Variants in NOX4 observed in about 807,000 individuals in gnomAD.
NOX4 encodes kidney oxidase-1.
A neutral mutation model predicts 87.6 loss-of-function variants in NOX4; 69 were observed. That is an observed-to-expected ratio of 0.79 (90% CI 0.65 to 0.96). The LOEUF (loss-of-function observed/expected upper bound fraction) is 0.96, where lower values mean the gene tolerates loss of function less well. NOX4 is among the 40% of genes least tolerant of loss of function. The pLI, the probability that NOX4 is intolerant of heterozygous loss-of-function variation, is 0.00. For missense variants in NOX4, 680 were observed against 681.5 expected (o/e 1.00, Z 0.02); for synonymous variants, 275 against 238.2 (o/e 1.15, Z -1.42).
At chr11:89,512,736 T>C in the NOX4 span, among the ~76,000 whole-genome samples, 1 of 152,250 alleles carries the variant, frequency 6.6e-6, no homozygotes, top group Admixed American at 6.5e-5. Flanking sequence ...ATCTTAATCT[T>C]AGGTTAAACA....
At chr11:89,362,546 A>T (rs563533051) in intron 12 of NOX4, among the ~76,000 whole-genome samples, 2 of 151,932 alleles carry the variant, frequency 1.3e-5, no homozygotes, top group Non-Finnish European at 2.9e-5. Context: ...TCTTGTTTGA[A>T]TTTTTAATCT....
chr11:89,513,221 G>C, the NOX4 span, among the ~76,000 whole-genome samples: 1 of 151,882 alleles, frequency 6.6e-6, no homozygotes, highest in Non-Finnish European at 1.5e-5. Context: ...TCAGGAAGCT[G>C]AGGCAGGAGA....
At chr11:89,474,035 T>C (rs368984323) in intron 2 of NOX4, among the ~76,000 whole-genome samples, 202 of 152,296 alleles carry the variant, frequency 1.3e-3, no homozygotes, top group South Asian at 9.3e-3. Flanking sequence ...CAGAGTTCAA[T>C]TGGCCAACAT....
intron 2 of NOX4, among the ~76,000 whole-genome samples, chr11:89,455,078 G>A (rs145115981): frequency 2.4e-4 from 36 of 152,216 alleles, no homozygotes; most frequent in Admixed American, 1.4e-3. Flanking sequence ...TATACATTAT[G>A]CTTAGTTGCC....
chr11:89,337,362 T>C (rs1945760571), intron 16 of NOX4, 85 bp downstream of exon 16: 1 of 1,587,234 alleles, frequency 6.3e-7, no homozygotes, highest in Admixed American at 1.7e-5. Flanking sequence ...TCGAACCACC[T>C]GCAGGAATTT....
the NOX4 span, among the ~76,000 whole-genome samples, chr11:89,520,618 A>G: frequency 6.6e-6 from 1 of 152,154 alleles, no homozygotes; most frequent in East Asian, 1.9e-4. Flanking sequence ...AACTGGAAGC[A>G]TTCCCCTGGA....
At chr11:89,440,631 T>C in intron 6 of NOX4, 57 bp downstream of exon 6, 1 of 1,257,974 alleles carries the variant, frequency 7.9e-7, no homozygotes, top group Non-Finnish European at 1.1e-6. Context: ...AGTCCGATAA[T>C]GCCTACTTTT....
the NOX4 span, among the ~76,000 whole-genome samples, chr11:89,539,345 T>C: frequency 1.3e-5 from 2 of 151,744 alleles, no homozygotes; most frequent in Non-Finnish European, 2.9e-5. Context: ...GGCAGGAAAA[T>C]CGCCTGAACC....
At chr11:89,341,175 T>G (rs1474296183) in intron 14 of NOX4, among the ~76,000 whole-genome samples, 1 of 136,260 alleles carries the variant, frequency 7.3e-6, no homozygotes, top group African/African-American at 2.9e-5. Flanking sequence ...GAGACTGGAG[T>G]GCAGTGGCGC....
chr11:89,553,513 T>G, the NOX4 span, among the ~76,000 whole-genome samples: 2 of 152,114 alleles, frequency 1.3e-5, no homozygotes, highest in African/African-American at 2.4e-5. Context: ...GAAAACAAAC[T>G]AATACAAAGG....
chr11:89,370,741 C>T (rs1334488319), intron 12 of NOX4, among the ~76,000 whole-genome samples: 2 of 152,122 alleles, frequency 1.3e-5, no homozygotes, highest in East Asian at 3.9e-4. Context: ...AGGTCTTCCA[C>T]GTATCTAGGA....
chr11:89,429,398 T>G (rs940009212), intron 7 of NOX4, among the ~76,000 whole-genome samples: 1 of 151,906 alleles, frequency 6.6e-6, no homozygotes, highest in Non-Finnish European at 1.5e-5. Flanking sequence ...AAAAAACCCT[T>G]CAAAAAATCA....
At chr11:89,437,641 C>T (rs1944146009) in intron 6 of NOX4, among the ~76,000 whole-genome samples, 1 of 151,938 alleles carries the variant, frequency 6.6e-6, no homozygotes, top group African/African-American at 2.4e-5. Context: ...TTTTTATTGC[C>T]AGAGGCCATA....
chr11:89,344,941 A>G (rs751882195), intron 13 of NOX4, among the ~76,000 whole-genome samples: 3 of 152,212 alleles, frequency 2.0e-5, no homozygotes, highest in Non-Finnish European at 2.9e-5. Context: ...CAGGACAATT[A>G]TCATCTAACA....
the NOX4 span, among the ~76,000 whole-genome samples, chr11:89,528,945 T>C: frequency 6.6e-6 from 1 of 152,212 alleles, no homozygotes; most frequent in Non-Finnish European, 1.5e-5. Context: ...GCAACAATTC[T>C]CACAAGTCCC....
chr11:89,438,271 A>G (rs554848666), intron 6 of NOX4, among the ~76,000 whole-genome samples: 2 of 135,968 alleles, frequency 1.5e-5, no homozygotes, highest in East Asian at 4.1e-4. Context: ...TATAATATAT[A>G]ATAATATATA....
At chr11:89,581,391 C>A in the NOX4 span, among the ~76,000 whole-genome samples, 1 of 152,204 alleles carries the variant, frequency 6.6e-6, no homozygotes, top group Admixed American at 6.5e-5. Context: ...ATGTTTTATT[C>A]ATCTTGTTAT....
the NOX4 span, among the ~76,000 whole-genome samples, chr11:89,543,836 T>A: frequency 3.9e-5 from 6 of 152,090 alleles, no homozygotes; most frequent in African/African-American, 1.4e-4. Flanking sequence ...ATAGATATTG[T>A]CTGAATTTGA....
chr11:89,359,336 C>A (rs1213677833), intron 12 of NOX4, among the ~76,000 whole-genome samples: 1 of 151,322 alleles, frequency 6.6e-6, no homozygotes, highest in African/African-American at 2.4e-5. Context: ...GCAGAATATA[C>A]CAAATGCAAT....
Sources: allele counts gnomAD v4.1 joint callset (sites outside exome capture counted in the v4.1 genomes callset), GRCh38; gene constraint gnomAD v4.1.1; transcripts MANE v1.5; gene names NCBI Gene and HGNC (gene_info 2026-07-23, HGNC 2026-07-21).